Variants in NAV2 observed in about 807,000 individuals in gnomAD.
NAV2 encodes the protein neuron navigator 2.
NAV2 carries 54 observed loss-of-function variants against 223.2 expected under a neutral mutation model. The observed-to-expected ratio is 0.24, with a 90% CI of 0.19 to 0.30. NAV2 has a LOEUF of 0.30. Ranked by LOEUF, NAV2 falls within the 10% of genes least tolerant of loss-of-function variation. The pLI is 1.00. For synonymous variants in NAV2, 1,279 were observed against 1,239.3 expected (o/e 1.03, Z -0.67); for missense variants, 2,806 against 3,147.5 (o/e 0.89, Z 2.60).
At chr11:19,529,413 A>G (rs1254548839) in intron 1 of NAV2, among the ~76,000 whole-genome samples, 2 of 152,004 alleles carry the variant, frequency 1.3e-5, no homozygotes, top group African/African-American at 2.4e-5. Flanking sequence ...GTGTGAAAGG[A>G]CATGGAAGTG....
rs148067899 is a variant in NAV2 at position 19,737,076 on chromosome 11, C to G, written c.267+23114C>G. On this transcript the variant is annotated intron_variant, in intron 1 of 37. Transcript: ENST00000349880. ...CTAGCCGTAGAGCCCAAGGCAACAC[C>G]ACTGGGGTAATTCCTGAAGATCCTT... Among the ~76,000 whole-genome samples, 470 of 152,356 alleles carry G rather than the reference C, an allele frequency of 3.1e-3. 2 individuals carry two copies. Among genetic ancestry groups the G allele is most frequent in the African/African-American group, 0.011 (440 of 41,586 alleles).
chr11:19,628,124 C>A (rs2047224911), intron 1 of NAV2, among the ~76,000 whole-genome samples: 1 of 152,144 alleles, frequency 6.6e-6, no homozygotes, highest in African/African-American at 2.4e-5. Context: ...TGTCTCCCTC[C>A]CACTCTGGCC....
intron 1 of NAV2, among the ~76,000 whole-genome samples, chr11:19,540,545 C>A (rs987616055): frequency 2.6e-5 from 4 of 152,106 alleles, no homozygotes; most frequent in Non-Finnish European, 5.9e-5. Context: ...GTTGCAGAAC[C>A]CAGATTTAAC....
intron 24 of NAV2, among the ~76,000 whole-genome samples, chr11:20,079,543 G>A (rs185942890): frequency 9.3e-4 from 142 of 152,234 alleles, no homozygotes; most frequent in Non-Finnish European, 1.7e-3. Flanking sequence ...TGGGCCTCCC[G>A]AAAAAGTGAT....
intron 10 of NAV2, among the ~76,000 whole-genome samples, chr11:19,956,183 A>G (rs894553): frequency 0.91 from 138,008 of 152,058 alleles, 62,721 homozygotes; most frequent in East Asian, 0.98. Flanking sequence ...ATGAATGGAA[A>G]GTCTCTCTTC....
chr11:20,026,779 A>AC (rs1220451951), intron 11 of NAV2, among the ~76,000 whole-genome samples: 1 of 152,170 alleles, frequency 6.6e-6, no homozygotes, highest in African/African-American at 2.4e-5. Context: ...CTCAGCCTCA[A>AC]CATTTCTTAG....
At chr11:20,075,749 TCA>T (rs1173160301) in intron 22 of NAV2, among the ~76,000 whole-genome samples, 5 of 152,046 alleles carry the variant, frequency 3.3e-5, no homozygotes, top group Admixed American at 1.3e-4. Context: ...CTGTGCCTCC[TCA>T]CAGTGCACGG....
At chr11:19,534,005 C>T (rs2044111572) in intron 1 of NAV2, among the ~76,000 whole-genome samples, 1 of 152,222 alleles carries the variant, frequency 6.6e-6, no homozygotes, top group Non-Finnish European at 1.5e-5. Context: ...CGCGCCCGGC[C>T]TCTGGGAACT....
At chr11:19,886,672 C>T (rs1018682164) in intron 5 of NAV2, among the ~76,000 whole-genome samples, 3 of 152,268 alleles carry the variant, frequency 2.0e-5, no homozygotes, top group Admixed American at 2.0e-4. Flanking sequence ...AAAACAGGAC[C>T]TAGCTGGGGA....
chr11:19,487,060 C>T (rs2042467795), intron 1 of NAV2, among the ~76,000 whole-genome samples: 1 of 152,162 alleles, frequency 6.6e-6, no homozygotes, highest in African/African-American at 2.4e-5. Flanking sequence ...GGCTCAGGCA[C>T]ATTACCTGGG....
At chr11:19,744,840 C>G (rs1416665302) in intron 1 of NAV2, among the ~76,000 whole-genome samples, 1 of 152,198 alleles carries the variant, frequency 6.6e-6, no homozygotes, top group Non-Finnish European at 1.5e-5. Context: ...CAAATGCCTT[C>G]TCTTAACTCT....
chr11:20,085,613 A>G lies in NAV2; in HGVS notation c.5498+2434A>G, dbSNP rs561357251. Among the ~76,000 whole-genome samples, 808 of 152,312 alleles carry G rather than the reference A, an allele frequency of 5.3e-3. 10 individuals are homozygous for G. Among genetic ancestry groups the G allele is most frequent in the African/African-American group, 0.019 (774 of 41,572 alleles). The stretch of plus-strand genomic sequence containing the variant: ...TTAGCTGCTGTAACAAACTCAGCCC[A>G]ACGCTCAGCAGCTTTACATATGACT... On this transcript the variant is annotated intron_variant, in intron 26 of 37. Coordinates refer to ENST00000349880, the MANE Select transcript of NAV2 (RefSeq NM_145117.5).
chr11:20,106,175 A>ATATATATATGTGTGTGTGTGTGTG (rs11267537), intron 35 of NAV2, among the ~76,000 whole-genome samples: 531 of 35,736 alleles, frequency 0.015, 80 homozygotes, highest in Non-Finnish European at 0.018. Flanking sequence ...ATATATATAT[A>ATATATATATGTGTGTGTGTGTGTG]TGTGTGTGTA....
chr11:19,507,995 G>T (rs561910338), intron 1 of NAV2, among the ~76,000 whole-genome samples: 1 of 152,196 alleles, frequency 6.6e-6, no homozygotes, highest in African/African-American at 2.4e-5. Flanking sequence ...TAATAAATAC[G>T]TGAAGCCTAA....
intron 1 of NAV2, among the ~76,000 whole-genome samples, chr11:19,373,849 A>G (rs1590072595): frequency 6.6e-6 from 1 of 152,354 alleles, no homozygotes; most frequent in Middle Eastern, 3.4e-3. Flanking sequence ...AAAATATGAC[A>G]GGTAGGTGTC....
chr11:19,926,747 C>T (rs2044786538), intron 6 of NAV2, among the ~76,000 whole-genome samples: 1 of 152,142 alleles, frequency 6.6e-6, no homozygotes, highest in African/African-American at 2.4e-5. Flanking sequence ...TTTTCCCACA[C>T]CCAATTATCA....
chr11:19,478,706 A>G (rs10833119), intron 1 of NAV2, among the ~76,000 whole-genome samples: 34,384 of 152,096 alleles, frequency 0.23, 4,844 homozygotes, highest in East Asian at 0.32. Context: ...GCTAACCCCT[A>G]TGCTGTGCAT....
In NAV2 at chr11:20,120,420, A is replaced by C. The variant is rs1191311648; in HGVS notation, c.*2162A>C. The C allele has an allele frequency of 6.6e-6, 1 of 152,544 alleles. No homozygotes were observed. The highest frequency in any genetic ancestry group is 1.5e-5 in the Non-Finnish European group (1 of 68,032). 9.4% of individuals were successfully genotyped at this position (152,544 alleles called of 1,614,324 possible). On this transcript the variant is annotated 3_prime_UTR_variant, in exon 38 of 38. Transcript: ENST00000349880. ...TTTAGCCTGTGACCAGGGGGGCCAA[A>C]CCCTAAGATTTCTGGTAAACCTGAA...
chr11:19,924,028 G>C (rs2153231286), intron 6 of NAV2, among the ~76,000 whole-genome samples: 1 of 152,262 alleles, frequency 6.6e-6, no homozygotes, highest in East Asian at 1.9e-4. Context: ...CCAGCTGAGT[G>C]GGAGGATTTT....
Sources: allele counts gnomAD v4.1 joint callset (sites outside exome capture counted in the v4.1 genomes callset), GRCh38; gene constraint gnomAD v4.1.1; transcripts MANE v1.5; gene names NCBI Gene and HGNC (gene_info 2026-07-23, HGNC 2026-07-21).